EBF3: variants seen among roughly 807,000 people sequenced by gnomAD.
EBF3 encodes transcription factor COE3.
A neutral mutation model predicts 77.1 loss-of-function variants in EBF3; 18 were observed. The ratio of observed to expected loss-of-function variants is 0.23; its 90% CI spans 0.16 to 0.35. The LOEUF is 0.35. Ranked by LOEUF, EBF3 falls within the 10% of genes least tolerant of loss-of-function variation. The pLI is 1.00. For synonymous variants in EBF3, 350 were observed against 343.5 expected (o/e 1.02, Z -0.21); for missense variants, 558 against 860.0 (o/e 0.65, Z 4.39).
At chr10:129,856,488 A>G (rs1170787359) in intron 10 of EBF3, among the ~76,000 whole-genome samples, 1 of 152,170 alleles carries the variant, frequency 6.6e-6, no homozygotes, top group East Asian at 1.9e-4. Flanking sequence ...AGAACTATAT[A>G]TAATGTGTGG....
At position 129,858,225 on chromosome 10, in the gene EBF3, G is replaced by A. The variant is rs999682918; in HGVS notation, c.1039+8916C>T. Among the ~76,000 whole-genome samples the A allele has an allele frequency of 3.3e-5, 5 of 152,206 alleles. No individual in the cohort carries two copies. The South Asian group carries it at 8.3e-4, about 25-fold the overall frequency. The stretch of plus-strand genomic sequence containing the variant: ...CCCAATACCCTCCGTGGTGTCTGCC[G>A]GTGACACGTTTCTCTCCCTTACAGG... On this transcript the variant is annotated intron_variant, in intron 10 of 16. Transcript: ENST00000440978.
intron 6 of EBF3, among the ~76,000 whole-genome samples, chr10:129,884,830 G>A (rs1377969118): frequency 1.3e-5 from 2 of 152,174 alleles, no homozygotes; most frequent in African/African-American, 4.8e-5. Context: ...ACTGGCCTTT[G>A]TCTGGGGATT....
Position 129,848,261 on chromosome 10 carries a change from C to T in EBF3, c.1128+131G>A, listed in dbSNP as rs951701874. The T allele has an allele frequency of 2.7e-5, 26 of 955,002 alleles. No individual in the cohort carries two copies. Among genetic ancestry groups the T allele is most frequent in the East Asian group, 1.2e-4 (5 of 40,956 alleles). 59.2% of individuals were successfully genotyped at this position (955,002 alleles called of 1,614,324 possible). A position where few individuals can be genotyped will look rare whatever the true frequency, so the allele number is the denominator to read the frequency against. The stretch of plus-strand genomic sequence containing the variant: ...GGCCCGGGCAGCTCCTCACACCTGT[C>T]GGCCCTGTGGTGGGCACAGAGTTTG... On this transcript the variant is annotated intron_variant, in intron 11 of 16. Coordinates refer to ENST00000440978, the MANE Select transcript of EBF3 (RefSeq NM_001375380.1). This position sits in a 1 kb window ranked among gnomAD's most constrained non-coding sequence, Gnocchi z 4.4.
intron 6 of EBF3, among the ~76,000 whole-genome samples, chr10:129,905,202 C>G (rs896756479): frequency 6.6e-6 from 1 of 152,178 alleles, no homozygotes; most frequent in Admixed American, 6.5e-5. Context: ...CAGAAGGGCT[C>G]CAGGGTGCAC....
intron 6 of EBF3, among the ~76,000 whole-genome samples, chr10:129,933,119 G>A (rs964368426): frequency 1.3e-5 from 2 of 152,106 alleles, no homozygotes; most frequent in African/African-American, 2.4e-5. Context: ...CCTGATTGAT[G>A]GACGTGGAGG....
At chr10:129,927,884 G>A (rs1856777886) in intron 6 of EBF3, among the ~76,000 whole-genome samples, 1 of 152,134 alleles carries the variant, frequency 6.6e-6, no homozygotes, top group Non-Finnish European at 1.5e-5. Flanking sequence ...CAGGGATGGG[G>A]AGGTGGAGTC....
chr10:129,874,142 A>G (rs1020675592), intron 7 of EBF3, among the ~76,000 whole-genome samples: 9 of 152,340 alleles, frequency 5.9e-5, no homozygotes, highest in African/African-American at 2.2e-4. Flanking sequence ...CTGGTAATGA[A>G]CTTTTTTTCA....
chr10:129,846,743 G>T (rs1564820751), intron 11 of EBF3, among the ~76,000 whole-genome samples: 1 of 152,056 alleles, frequency 6.6e-6, no homozygotes. Flanking sequence ...TATTGAAACT[G>T]CTAGATTTCA....
At chr10:129,928,618 A>G (rs1253196393) in intron 6 of EBF3, among the ~76,000 whole-genome samples, 2 of 152,210 alleles carry the variant, frequency 1.3e-5, no homozygotes, top group Non-Finnish European at 2.9e-5. Flanking sequence ...ATATTCCTAG[A>G]CAGAGAATGT....
In EBF3 at chr10:129,897,279, G is replaced by C. The variant is rs1370891372; in HGVS notation, c.555-19430C>G. ...TAGTCCACTTGGGCCCCACTTTCCTGCAGGGACCTAGGAGGGTTGAAAGGA... is the reference window on the plus strand; with the variant it reads ...TAGTCCACTTGGGCCCCACTTTCCTCCAGGGACCTAGGAGGGTTGAAAGGA... On this transcript the variant is annotated intron_variant, in intron 6 of 16. Transcript: ENST00000440978. The surrounding 1 kb of genome is among the most constrained non-coding windows in gnomAD (Gnocchi z 4.6). 6.6e-6 allele frequency among the ~76,000 whole-genome samples: 1 copy of C among 152,148 alleles called. No homozygotes were observed. Among genetic ancestry groups the C allele is most frequent in the East Asian group, 1.9e-4 (1 of 5,178 alleles).
chr10:129,874,024 G>A (rs1852586884), intron 7 of EBF3, among the ~76,000 whole-genome samples: 1 of 152,166 alleles, frequency 6.6e-6, no homozygotes. Flanking sequence ...GAAGAGCTGG[G>A]AGGATTCAGA....
chr10:129,853,583 A>G (rs1304767108), intron 10 of EBF3, among the ~76,000 whole-genome samples: 1 of 152,224 alleles, frequency 6.6e-6, no homozygotes, highest in Non-Finnish European at 1.5e-5. Flanking sequence ...ATGCGCCTCA[A>G]TTAAGGCAAT....
intron 6 of EBF3, among the ~76,000 whole-genome samples, chr10:129,887,521 G>C (rs1305399836): frequency 6.6e-6 from 1 of 152,194 alleles, no homozygotes; most frequent in Non-Finnish European, 1.5e-5. Flanking sequence ...ATCAAGAAAA[G>C]CTGGATTTAG....
chr10:129,900,978 T>A (rs1854737182), intron 6 of EBF3, among the ~76,000 whole-genome samples: 1 of 152,152 alleles, frequency 6.6e-6, no homozygotes, highest in South Asian at 2.1e-4. Context: ...AACCAGGTAT[T>A]ACCCAACACC....
chr10:129,868,856 A>T (rs1486382347), intron 8 of EBF3, among the ~76,000 whole-genome samples: 1 of 152,214 alleles, frequency 6.6e-6, no homozygotes, highest in Non-Finnish European at 1.5e-5. Context: ...ATGGGCTCCC[A>T]TGCAAAGGAG....
chr10:129,848,764 G>T lies in EBF3; in HGVS notation c.1040-284C>A, dbSNP rs976288935. On this transcript the variant is annotated intron_variant, in intron 10 of 16. Transcript: ENST00000440978. The surrounding 1 kb of genome is among the most constrained non-coding windows in gnomAD (Gnocchi z 4.4). ...CAGTCACAAAGTTACAGGTCTTGGG[G>T]CCATATGTAGCAATCACCACCATCA... Among the ~76,000 whole-genome samples, 2 of 152,154 alleles carry T rather than the reference G, an allele frequency of 1.3e-5. No homozygotes were observed. Among genetic ancestry groups the T allele is most frequent in the Non-Finnish European group, 2.9e-5 (2 of 68,038 alleles).
At chr10:129,868,456 T>C (rs995641203) in intron 8 of EBF3, among the ~76,000 whole-genome samples, 4 of 152,260 alleles carry the variant, frequency 2.6e-5, no homozygotes, top group African/African-American at 9.6e-5. Context: ...TTAATACTTT[T>C]GTCAAAGGTA....
At chr10:129,874,551 G>A (rs1174828633) in intron 7 of EBF3, among the ~76,000 whole-genome samples, 1 of 152,184 alleles carries the variant, frequency 6.6e-6, no homozygotes, top group Non-Finnish European at 1.5e-5. Context: ...CGGACTAGCT[G>A]GAGCTGCAAA....
Position 129,870,878 on chromosome 10 carries a change from G to A in EBF3, c.781+2574C>T, listed in dbSNP as rs1852360321. The stretch of plus-strand genomic sequence containing the variant: ...CCTGGTCCCATTAATCAGCCCTCCT[G>A]AGTAATATCACAGCATTTGTCACCT... On this transcript the variant is annotated intron_variant, in intron 8 of 16. Coordinates refer to ENST00000440978, the MANE Select transcript of EBF3 (RefSeq NM_001375380.1). The surrounding 1 kb of genome is among the most constrained non-coding windows in gnomAD (Gnocchi z 4.4). Among the ~76,000 whole-genome samples, 1 of 152,146 alleles carries A rather than the reference G, an allele frequency of 6.6e-6. No homozygotes were observed. Among genetic ancestry groups the A allele is most frequent in the South Asian group, 2.1e-4 (1 of 4,818 alleles).
Sources: allele counts gnomAD v4.1 joint callset (sites outside exome capture counted in the v4.1 genomes callset), GRCh38; gene constraint gnomAD v4.1.1; non-coding constraint Gnocchi (gnomAD v3.1); transcripts MANE v1.5; gene names NCBI Gene and HGNC (gene_info 2026-07-23, HGNC 2026-07-21).